The following QDPR variants were observed in gnomAD, a reference collection of about 807,000 sequenced individuals.
The protein encoded by QDPR is quinoid dihydropteridine reductase, also known as dihydropteridine reductase.
In QDPR, 23 loss-of-function variants were observed where a neutral mutation model predicts 31.7. That is an observed-to-expected ratio of 0.73 (90% CI 0.52 to 1.03). The LOEUF (loss-of-function observed/expected upper bound fraction) is 1.03, where lower values mean the gene tolerates loss of function less well. QDPR is among the 50% of genes least tolerant of loss of function. QDPR has a pLI of 0.00. For synonymous variants in QDPR, 124 were observed against 124.7 expected, an observed-to-expected ratio of 0.99 and a Z score of 0.03; for missense variants, 324 against 323.8, an observed-to-expected ratio of 1.00 and a Z score of 0.00.
chr4:17,504,443 T>C lies in QDPR; in HGVS notation c.231A>G (p.Glu77=). The C allele has an allele frequency of 6.2e-7, 1 of 1,614,124 alleles. No homozygotes were observed. The highest frequency in any genetic ancestry group is 8.5e-7 in the Non-Finnish European group (1 of 1,179,948). ...CGCAAAGAATTGCATCCACCTTCTC[T>C]TCACCCAAGAGCTTTCCAACCTCAG... The part of the protein sequence containing the change: ...VTAEVGKLLG[E]EKVDAILCVA... Residue 77 remains glutamate (E), a synonymous_variant, in exon 3 of 7, where the codon GAA becomes GAG. Transcript: ENST00000281243.
intron 2 of QDPR, among the ~76,000 whole-genome samples, chr4:17,506,303 T>C (rs1285867956): frequency 1.3e-5 from 2 of 152,144 alleles, no homozygotes; most frequent in South Asian, 2.1e-4. Flanking sequence ...CTAATTTTTG[T>C]ATTTTTTTGT....
chr4:17,497,632 G>A (rs892573410), intron 4 of QDPR, among the ~76,000 whole-genome samples: 3 of 152,086 alleles, frequency 2.0e-5, no homozygotes, highest in Non-Finnish European at 4.4e-5. Flanking sequence ...GGTTGTCTTA[G>A]ACAAGGCACC....
chr4:17,507,132 A>T (rs1469158497), intron 2 of QDPR, among the ~76,000 whole-genome samples: 1 of 152,228 alleles, frequency 6.6e-6, no homozygotes, highest in Non-Finnish European at 1.5e-5. Flanking sequence ...TGAGATTACC[A>T]AGGAAAGTGC....
In QDPR at chr4:17,487,056, C is replaced by T. The variant is rs1257395251; in HGVS notation, c.*75G>A. On this transcript the variant is annotated 3_prime_UTR_variant, in exon 7 of 7. Coordinates refer to ENST00000281243, the MANE Select transcript of QDPR (RefSeq NM_000320.3). Reference sequence around the variant, plus strand: ...CCACAAACAGGGGTTACAGAAAACACAAGGCTGGACAAGGCCACACTGAGA... The same window carrying T: ...CCACAAACAGGGGTTACAGAAAACATAAGGCTGGACAAGGCCACACTGAGA... 8.4e-7 allele frequency: 1 copy of T among 1,197,146 alleles called. No individual in the cohort carries two copies. The highest frequency in any genetic ancestry group is 1.2e-6 in the Non-Finnish European group (1 of 802,326). 74.2% of individuals were successfully genotyped at this position (1,197,146 alleles called of 1,614,324 possible).
chr4:17,505,909 C>T (rs1718771728), intron 2 of QDPR, among the ~76,000 whole-genome samples: 2 of 152,144 alleles, frequency 1.3e-5, no homozygotes, highest in Admixed American at 1.3e-4. Context: ...TTTATAAGCA[C>T]AAACGCATCT....
chr4:17,505,561 T>C (rs575849252), intron 2 of QDPR, among the ~76,000 whole-genome samples: 1 of 152,272 alleles, frequency 6.6e-6, no homozygotes, highest in Admixed American at 6.5e-5. Context: ...CTTCTTAAGA[T>C]TTAAATCAGG....
chr4:17,509,287 G>C lies in QDPR; in HGVS notation c.182C>G (p.Thr61Ser). ...TGAAACTACCTGGTCAGCCTGCTCAGTGAACGAGTCTGTCATTTTAACAAT... is the reference window on the plus strand; with the variant it reads ...TGAAACTACCTGGTCAGCCTGCTCACTGAACGAGTCTGTCATTTTAACAAT... Reference protein sequence around the residue: ...SIIVKMTDSFTEQADQVTAEV... With the variant: ...SIIVKMTDSFSEQADQVTAEV... The change falls in exon 2 of 7, where the codon ACT becomes AGT. Residue 61 changes from threonine (T) to serine (S), a missense_variant. Transcript: ENST00000281243. 1 of 1,614,072 alleles carries C rather than the reference G, an allele frequency of 6.2e-7. No homozygotes were observed. Among genetic ancestry groups the C allele is most frequent in the Middle Eastern group, 1.6e-4 (1 of 6,062 alleles).
chr4:17,511,873 C>T (rs1719023047), intron 1 of QDPR, 77 bp downstream of exon 1: 19 of 1,437,486 alleles, frequency 1.3e-5, no homozygotes, highest in East Asian at 2.7e-5. Context: ...TTCCTCTAGA[C>T]TGCCCCCCGC....
Position 17,504,045 on chromosome 4 carries a change from ACTT to A in QDPR, c.295+331_295+333del, listed in dbSNP as rs532598013. 1.1e-4 allele frequency among the ~76,000 whole-genome samples: 16 copies of A among 152,158 alleles called. No homozygotes were observed. In the South Asian group the frequency reaches 2.5e-3, roughly 24 times the overall value. On this transcript the variant is annotated intron_variant, in intron 3 of 6. Transcript: ENST00000281243. ...CAGCTTTAGTAAAATCTCAAGTTTG[ACTT>A]CTTCTGACTTTCTAAATGATCTCTG...
intron 4 of QDPR, among the ~76,000 whole-genome samples, chr4:17,497,792 G>A (rs763233293): frequency 1.3e-5 from 2 of 152,046 alleles, no homozygotes; most frequent in South Asian, 2.1e-4. Flanking sequence ...TTTCTTTTTC[G>A]CCAAGTCTGT....
intron 4 of QDPR, among the ~76,000 whole-genome samples, chr4:17,496,229 T>A (rs554682555): frequency 7.4e-4 from 112 of 151,876 alleles, no homozygotes; most frequent in African/African-American, 2.5e-3. Context: ...GTGGATCACC[T>A]GAGGTCAGAA....
chr4:17,496,443 A>C (rs1352660923), intron 4 of QDPR, among the ~76,000 whole-genome samples: 1 of 13,364 alleles, frequency 7.5e-5, no homozygotes, highest in South Asian at 1.3e-3. Context: ...AAACTGTCTC[A>C]AAAAAAAAAA....
At chr4:17,492,525 G>A in intron 4 of QDPR, 185 bp from the exon 5 acceptor site, 1 of 628,746 alleles carries the variant, frequency 1.6e-6, no homozygotes. Context: ...ACGAGAAAGA[G>A]GGGATGGGAA....
At chr4:17,501,337 T>C (rs955536184) in intron 4 of QDPR, among the ~76,000 whole-genome samples, 12 of 152,228 alleles carry the variant, frequency 7.9e-5, no homozygotes, top group Non-Finnish European at 1.6e-4. Context: ...ACCTCTCTCA[T>C]TTTAAACTTA....
intron 1 of QDPR, 83 bp downstream of exon 1, chr4:17,511,866 CT>C: frequency 7.0e-7 from 1 of 1,425,378 alleles, no homozygotes; most frequent in Non-Finnish European, 9.5e-7. Context: ...CCCCACCTTC[CT>C]CTAGACTGCC....
At chr4:17,495,643 A>T (rs550543528) in intron 4 of QDPR, among the ~76,000 whole-genome samples, 17 of 152,310 alleles carry the variant, frequency 1.1e-4, no homozygotes, top group African/African-American at 3.8e-4. Flanking sequence ...GAAGAATGTA[A>T]GTTCCACAGA....
intron 5 of QDPR, among the ~76,000 whole-genome samples, chr4:17,491,014 A>G (rs1276995581): frequency 6.6e-6 from 1 of 152,182 alleles, no homozygotes; most frequent in Non-Finnish European, 1.5e-5. Flanking sequence ...AAACAGAAGG[A>G]GCCACATTTT....
At chr4:17,508,899 C>A (rs961593395) in intron 2 of QDPR, among the ~76,000 whole-genome samples, 2 of 152,192 alleles carry the variant, frequency 1.3e-5, no homozygotes, top group South Asian at 4.1e-4. Context: ...TGGCTCATGC[C>A]TGTAATCCGA....
chr4:17,487,369 G>A, intron 6 of QDPR, 133 bp from the exon 7 acceptor site: 2 of 726,508 alleles, frequency 2.8e-6, no homozygotes. Flanking sequence ...GCCACTAAGG[G>A]CTGGGCGCCA....
Sources: gnomAD v4.1 joint callset for allele counts (sites outside exome capture counted in the v4.1 genomes callset) on GRCh38, gnomAD v4.1.1 for gene constraint, MANE v1.5 for transcripts, NCBI Gene and HGNC (gene_info 2026-07-23, HGNC 2026-07-21) for gene names.